GRK5: variants seen among roughly 807,000 people sequenced by gnomAD.
GRK5 encodes G protein-coupled receptor kinase 5, also known as g protein-coupled receptor kinase GRK5.
A neutral mutation model predicts 78.4 loss-of-function variants in GRK5; 40 were observed. The ratio of observed to expected loss-of-function variants is 0.51; its 90% CI spans 0.40 to 0.66. GRK5 has a LOEUF of 0.66. Ranked by LOEUF, GRK5 falls within the 30% of genes least tolerant of loss-of-function variation. GRK5 has a pLI of 0.00. For missense variants in GRK5, 598 were observed against 759.9 expected, an observed-to-expected ratio of 0.79 and a Z score of 2.50; for synonymous variants, 289 against 296.8, an observed-to-expected ratio of 0.97 and a Z score of 0.27.
intron 13 of GRK5, among the ~76,000 whole-genome samples, chr10:119,448,833 A>C (rs1212564620): frequency 6.6e-6 from 1 of 152,172 alleles, no homozygotes; most frequent in African/African-American, 2.4e-5. Context: ...CTGAGGTAGA[A>C]TTGTCCTTGA....
At chr10:119,284,357 G>A (rs1204086252) in intron 1 of GRK5, among the ~76,000 whole-genome samples, 1 of 151,710 alleles carries the variant, frequency 6.6e-6, no homozygotes, top group Non-Finnish European at 1.5e-5. Flanking sequence ...TAGAAATGTT[G>A]CCTGGGCTGG....
rs913573277 is a variant in GRK5 at position 119,379,010 on chromosome 10, C to G, written c.149-1805C>G. On this transcript the variant is annotated intron_variant, in intron 2 of 15. Transcript: ENST00000392870. This position sits in a 1 kb window ranked among gnomAD's most constrained non-coding sequence, Gnocchi z 4.1. ...GGCTGTGACTGAGTCACGTGCCTGT[C>G]TCCGTAGCATGGGAGGCGTCAGCTC... is the stretch of plus-strand genomic sequence containing the variant. 5.9e-5 allele frequency among the ~76,000 whole-genome samples: 9 copies of G among 152,216 alleles called. No individual in the cohort carries two copies. The highest frequency in any genetic ancestry group is 4.6e-4 in the Admixed American group (7 of 15,282).
At chr10:119,331,396 C>T (rs1426050926) in intron 2 of GRK5, among the ~76,000 whole-genome samples, 1 of 152,258 alleles carries the variant, frequency 6.6e-6, no homozygotes, top group East Asian at 1.9e-4. Flanking sequence ...CCACTGTTTA[C>T]AGTCCGTCGC....
chr10:119,396,617 C>A, intron 3 of GRK5, 78 bp from the exon 4 acceptor site: 2 of 1,234,868 alleles, frequency 1.6e-6, no homozygotes, highest in Non-Finnish European at 2.4e-6. Flanking sequence ...GGATTTCCTC[C>A]AGGGGCTGTG....
At chr10:119,322,584 T>C (rs1167174672) in intron 1 of GRK5, among the ~76,000 whole-genome samples, 2 of 152,218 alleles carry the variant, frequency 1.3e-5, no homozygotes, top group Non-Finnish European at 2.9e-5. Context: ...ACTTTCTTAA[T>C]GAATAAATCT....
At chr10:119,276,377 T>C (rs1047291280) in intron 1 of GRK5, among the ~76,000 whole-genome samples, 14 of 152,158 alleles carry the variant, frequency 9.2e-5, no homozygotes, top group Non-Finnish European at 2.1e-4. Flanking sequence ...TGCTATAGTT[T>C]ACTGAGAATG....
chr10:119,225,486 G>A (rs550321344), intron 1 of GRK5, among the ~76,000 whole-genome samples: 1 of 152,064 alleles, frequency 6.6e-6, no homozygotes, highest in Non-Finnish European at 1.5e-5. Context: ...TCACATACGG[G>A]GGAAGAGGTT....
intron 1 of GRK5, among the ~76,000 whole-genome samples, chr10:119,235,175 G>A (rs564659353): frequency 1.9e-4 from 29 of 149,962 alleles, no homozygotes; most frequent in East Asian, 1.4e-3. Flanking sequence ...TTGTAGAGAC[G>A]GTTTCACCAT....
rs145218367 is a variant in GRK5, at chr10:119,372,181, G to A, written c.149-8634G>A. Among the ~76,000 whole-genome samples, 52 of 152,346 alleles carry A rather than the reference G, an allele frequency of 3.4e-4. No homozygotes were observed. The East Asian group carries it at 4.6e-3, about 14-fold the overall frequency. On this transcript the variant is annotated intron_variant, in intron 2 of 15. Transcript: ENST00000392870. ...GGATGGAGGTAGGATTCAGACCCAAGCCTGTGCTTGTTCGCCACCCTGTGC... is the reference window on the plus strand; with the variant it reads ...GGATGGAGGTAGGATTCAGACCCAAACCTGTGCTTGTTCGCCACCCTGTGC...
chr10:119,421,514 A>T (rs575459168), intron 4 of GRK5, among the ~76,000 whole-genome samples: 2 of 152,206 alleles, frequency 1.3e-5, no homozygotes, highest in Non-Finnish European at 2.9e-5. Flanking sequence ...CTCCCATGAC[A>T]TCGAGGATCT....
intron 1 of GRK5, among the ~76,000 whole-genome samples, chr10:119,214,838 G>A (rs1737430480): frequency 6.6e-6 from 1 of 152,108 alleles, no homozygotes; most frequent in African/African-American, 2.4e-5. Context: ...TTTTTATGAA[G>A]GTCTGTTCCT....
rs562777557 is a variant in GRK5 at position 119,267,613 on chromosome 10, A to G, written c.53-58903A>G. Among the ~76,000 whole-genome samples the G allele has an allele frequency of 6.6e-6, 1 of 152,294 alleles. No homozygotes were observed. The highest frequency in any genetic ancestry group is 2.4e-5 in the African/African-American group (1 of 41,576). ...TAGGGATTGAGGACATGGCAGGTAG[A>G]TAGGCAATAAAAGCACCGAACCAGC... On this transcript the variant is annotated intron_variant, in intron 1 of 15. Transcript: ENST00000392870. The surrounding 1 kb of genome is among the most constrained non-coding windows in gnomAD (Gnocchi z 4.1).
Position 119,252,981 on chromosome 10 carries a change from C to A in GRK5, c.52+45012C>A, listed in dbSNP as rs115675109. 3.9e-5 allele frequency among the ~76,000 whole-genome samples: 6 copies of A among 152,120 alleles called. No individual in the cohort carries two copies. In the East Asian group the frequency reaches 1.2e-3, roughly 29 times the overall value. ...GGTGGTCTTAGGGAAAATGATGGAC[C>A]CTGAAGGGTGAGGGTCATGGCCAGT... On this transcript the variant is annotated intron_variant, in intron 1 of 15. Transcript: ENST00000392870.
chr10:119,369,815 G>T (rs1433048694), intron 2 of GRK5, among the ~76,000 whole-genome samples: 1 of 151,946 alleles, frequency 6.6e-6, no homozygotes, highest in African/African-American at 2.4e-5. Flanking sequence ...CCTTCTTTCC[G>T]ATATGCCAGG....
chr10:119,336,967 G>A lies in GRK5; in HGVS notation c.148+10356G>A, dbSNP rs11198885. ...GGAAGCTCCTTGAAAGAGAAGGCAC[G>A]AGCTCAGGCACATGCAAGATGCCCA... On this transcript the variant is annotated intron_variant, in intron 2 of 15. Coordinates refer to ENST00000392870, the MANE Select transcript of GRK5 (RefSeq NM_005308.3). The surrounding 1 kb of genome is among the most constrained non-coding windows in gnomAD (Gnocchi z 4.5). Among the ~76,000 whole-genome samples the A allele has an allele frequency of 0.071, 10,772 of 152,144 alleles. 524 individuals are homozygous for A. The highest frequency in any genetic ancestry group is 0.21 in the East Asian group (1,106 of 5,156).
At chr10:119,299,548 A>G (rs538477962) in intron 1 of GRK5, among the ~76,000 whole-genome samples, 24 of 152,254 alleles carry the variant, frequency 1.6e-4, no homozygotes, top group African/African-American at 5.5e-4. Context: ...TAAATGTCTT[A>G]GAAACCTGTT....
chr10:119,292,969 A>T (rs1296711112), intron 1 of GRK5, among the ~76,000 whole-genome samples: 1 of 152,168 alleles, frequency 6.6e-6, no homozygotes, highest in African/African-American at 2.4e-5. Context: ...CCCTCTAATC[A>T]TTGAATACTG....
intron 2 of GRK5, among the ~76,000 whole-genome samples, chr10:119,361,322 C>T (rs531965250): frequency 1.3e-5 from 2 of 152,316 alleles, no homozygotes; most frequent in Middle Eastern, 3.4e-3. Context: ...TGGTGGTCTT[C>T]GCTGCTTTCT....
intron 1 of GRK5, among the ~76,000 whole-genome samples, chr10:119,258,775 G>A (rs1849326271): frequency 6.6e-6 from 1 of 152,226 alleles, no homozygotes; most frequent in South Asian, 2.1e-4. Flanking sequence ...GTGGAGAGGG[G>A]AGAGGAAAAG....
Sources: allele counts gnomAD v4.1 joint callset (sites outside exome capture counted in the v4.1 genomes callset), GRCh38; gene constraint gnomAD v4.1.1; non-coding constraint Gnocchi (gnomAD v3.1); transcripts MANE v1.5; gene names NCBI Gene and HGNC (gene_info 2026-07-23, HGNC 2026-07-21).